SRRM1: variants seen among roughly 807,000 people sequenced by gnomAD.
SRRM1 encodes serine/arginine repetitive matrix protein 1.
In SRRM1, 19 loss-of-function variants were observed where a neutral mutation model predicts 110.2. The ratio of observed to expected loss-of-function variants is 0.17; its 90% CI spans 0.12 to 0.25. The LOEUF (loss-of-function observed/expected upper bound fraction) is 0.25. Among genes scored for constraint, SRRM1 ranks in the 10% least tolerant of loss-of-function variants. The pLI, the probability that SRRM1 is intolerant of heterozygous loss-of-function variation, is 1.00. For missense variants in SRRM1, 918 were observed against 1,145.8 expected (o/e 0.80, Z 2.87); for synonymous variants, 443 against 414.9 (o/e 1.07, Z -0.82).
chr1:24,667,265 A>C (rs925797922), intron 13 of SRRM1, among the ~76,000 whole-genome samples: 5 of 152,252 alleles, frequency 3.3e-5, no homozygotes, highest in Non-Finnish European at 7.3e-5. Flanking sequence ...CTGCAGAACT[A>C]TATGAATATA....
intron 1 of SRRM1, 58 bp downstream of exon 1, chr1:24,643,405 A>G: frequency 6.8e-7 from 1 of 1,473,202 alleles, no homozygotes; most frequent in Non-Finnish European, 9.0e-7. Flanking sequence ...AAGGCCTGGT[A>G]GGAGACCTTA....
At chr1:24,657,070 A>G (rs2148482632) in intron 9 of SRRM1, among the ~76,000 whole-genome samples, 1 of 152,260 alleles carries the variant, frequency 6.6e-6, no homozygotes, top group South Asian at 2.1e-4. Flanking sequence ...CTACTTGGAA[A>G]TAACCTCTCC....
At chr1:24,670,628 A>T (rs1485902807) in intron 15 of SRRM1, among the ~76,000 whole-genome samples, 6 of 151,862 alleles carry the variant, frequency 4.0e-5, no homozygotes, top group Non-Finnish European at 8.8e-5. Context: ...AGTAGCTGGG[A>T]TTATAGGCAC....
At chr1:24,656,623 T>C (rs143408416) in intron 9 of SRRM1, among the ~76,000 whole-genome samples, 299 of 152,310 alleles carry the variant, frequency 2.0e-3, no homozygotes, top group African/African-American at 7.0e-3. Flanking sequence ...TCCTGTAAAG[T>C]TTGTACTTCT....
intron 9 of SRRM1, among the ~76,000 whole-genome samples, chr1:24,659,629 C>G (rs574185645): frequency 6.6e-6 from 1 of 152,186 alleles, no homozygotes; most frequent in Non-Finnish European, 1.5e-5. Flanking sequence ...AAAATAGATT[C>G]TTGGATTCAC....
chr1:24,671,399 A>G lies in SRRM1; in HGVS notation c.2414A>G (p.Glu805Gly), dbSNP rs778453770. ...TTTTCTTCCTAGAATTCAGATCAGG[A>G]AGGAGGTGGAAAGAAAAAGAAGAAA... ...SPSPPRNSDQ[E>G]GGGKKKKKKK... The change falls in exon 16 of 17, where the codon GAA becomes GGA. Residue 805 changes from glutamate (E) to glycine (G), a missense_variant. Coordinates refer to ENST00000323848, the MANE Select transcript of SRRM1 (RefSeq NM_005839.4). The G allele has an allele frequency of 3.1e-6, 5 of 1,609,654 alleles. No individual in the cohort carries two copies. Among genetic ancestry groups the G allele is most frequent in the Non-Finnish European group, 4.2e-6 (5 of 1,178,722 alleles).
rs776002656 is a variant in SRRM1, at chr1:24,643,320, C to G, written c.-7C>G. 3.2e-6 allele frequency: 5 copies of G among 1,560,994 alleles called. No homozygotes were observed. Among genetic ancestry groups the G allele is most frequent in the Non-Finnish European group, 4.3e-6 (5 of 1,158,206 alleles). On this transcript the variant is annotated 5_prime_UTR_variant, in exon 1 of 17. Coordinates refer to ENST00000323848, the MANE Select transcript of SRRM1 (RefSeq NM_005839.4). ...GATAGGGAGCGATCTCCGAGCGAGGCGGCAAGATGGACGCGGGATTTTTCC... is the reference window on the plus strand; with the variant it reads ...GATAGGGAGCGATCTCCGAGCGAGGGGGCAAGATGGACGCGGGATTTTTCC...
In SRRM1 at chr1:24,645,029, A is replaced by C. The variant is rs193284509; in HGVS notation, c.22-955A>C. 3.9e-5 allele frequency among the ~76,000 whole-genome samples: 6 copies of C among 152,324 alleles called. No individual in the cohort carries two copies. In the East Asian group the frequency reaches 1.2e-3, roughly 29 times the overall value. On this transcript the variant is annotated intron_variant, in intron 1 of 16. Transcript: ENST00000323848. ...TAGGGTCATTATCTAGTACCCTGCC[A>C]ACCAGATGAACTATTTCAGGTAGTA...
At chr1:24,655,829 A>T (rs1489839164) in intron 9 of SRRM1, among the ~76,000 whole-genome samples, 1 of 152,238 alleles carries the variant, frequency 6.6e-6, no homozygotes, top group African/African-American at 2.4e-5. Flanking sequence ...AATGATATAC[A>T]GCCTAAAAGG....
chr1:24,667,539 CTTA>C (rs912914784), intron 13 of SRRM1, among the ~76,000 whole-genome samples: 8 of 152,138 alleles, frequency 5.3e-5, no homozygotes, highest in African/African-American at 1.9e-4. Flanking sequence ...AAACCTCAGT[CTTA>C]TTATTAGGAA....
intron 13 of SRRM1, among the ~76,000 whole-genome samples, chr1:24,667,953 C>T (rs1670798263): frequency 7.2e-6 from 1 of 138,370 alleles, no homozygotes; most frequent in Admixed American, 7.2e-5. Flanking sequence ...AATGTAATGA[C>T]ATGCTGCCAC....
intron 2 of SRRM1, 32 bp from the exon 3 acceptor site, chr1:24,646,635 A>G (rs768203469): frequency 1.9e-6 from 3 of 1,538,630 alleles, no homozygotes; most frequent in South Asian, 1.2e-5. Flanking sequence ...AGGATTGTGA[A>G]GTTGTACTTA....
intron 5 of SRRM1, 76 bp downstream of exon 5, chr1:24,650,162 A>G: frequency 2.2e-6 from 3 of 1,368,710 alleles, no homozygotes; most frequent in Non-Finnish European, 2.9e-6. Context: ...TTAAAAAGGA[A>G]TCTAACAGCG....
chr1:24,652,768 ACTTTTCT>A, intron 7 of SRRM1, 138 bp from the exon 8 acceptor site: 1 of 1,314,184 alleles, frequency 7.6e-7, no homozygotes. Context: ...ATTTGAGGAC[ACTTTTCT>A]GTGTACCATA....
chr1:24,663,327 C>G, intron 12 of SRRM1: 1 of 841,310 alleles, frequency 1.2e-6, no homozygotes, highest in Non-Finnish European at 1.8e-6. Flanking sequence ...TATATGGTGG[C>G]TGTGGCTGTG....
intron 13 of SRRM1, 140 bp downstream of exon 13, chr1:24,667,065 A>G: frequency 1.7e-6 from 1 of 594,752 alleles, no homozygotes. Flanking sequence ...CCCAATCATC[A>G]TGCTTATGAA....
At chr1:24,660,363 CATT>C (rs997143567) in intron 9 of SRRM1, among the ~76,000 whole-genome samples, 1 of 152,222 alleles carries the variant, frequency 6.6e-6, no homozygotes, top group Non-Finnish European at 1.5e-5. Context: ...TGAGGCTTTT[CATT>C]AAACATTTAA....
At chr1:24,657,880 A>C (rs1338038930) in intron 9 of SRRM1, among the ~76,000 whole-genome samples, 1 of 152,214 alleles carries the variant, frequency 6.6e-6, no homozygotes, top group Non-Finnish European at 1.5e-5. Context: ...CTATCTGGAC[A>C]CTTAAATGGT....
intron 9 of SRRM1, among the ~76,000 whole-genome samples, chr1:24,659,039 C>A (rs945455212): frequency 1.3e-5 from 2 of 152,038 alleles, no homozygotes; most frequent in East Asian, 1.9e-4. Context: ...ACTAAAAATA[C>A]AAAATTAGCC....
Sources: allele counts gnomAD v4.1 joint callset (sites outside exome capture counted in the v4.1 genomes callset), GRCh38; gene constraint gnomAD v4.1.1; transcripts MANE v1.5; gene names NCBI Gene and HGNC (gene_info 2026-07-23, HGNC 2026-07-21).